The following CHCHD5 variants were observed in gnomAD, a reference collection of about 807,000 sequenced individuals.
CHCHD5 encodes coiled-coil-helix-coiled-coil-helix domain containing 5.
CHCHD5 carries 10 observed loss-of-function variants against 16.0 expected under a neutral mutation model. The ratio of observed to expected loss-of-function variants is 0.63; its 90% CI spans 0.39 to 1.06. The LOEUF is 1.06. Among genes scored for constraint, CHCHD5 ranks in the 50% least tolerant of loss-of-function variants. The probability of loss-of-function intolerance (pLI) is 0.01; values close to 1 mark genes in which losing one functional copy is unlikely to be tolerated. For synonymous variants in CHCHD5, 55 were observed against 56.3 expected (o/e 0.98, Z 0.10); for missense variants, 163 against 153.4 (o/e 1.06, Z -0.33).
intron 3 of CHCHD5, chr2:112,586,570 C>T (rs1054114947): frequency 2.0e-5 from 30 of 1,516,666 alleles, no homozygotes; most frequent in Non-Finnish European, 2.5e-5. Flanking sequence ...CACCCTCCAC[C>T]TCCAGGATAC....
intron 1 of CHCHD5, among the ~76,000 whole-genome samples, 162 bp from the exon 2 acceptor site, chr2:112,585,812 C>G (rs1024287082): frequency 6.6e-6 from 1 of 152,044 alleles, no homozygotes; most frequent in Non-Finnish European, 1.5e-5. Flanking sequence ...GCAGGAAGAT[C>G]ACTTGAATCC....
intron 1 of CHCHD5, 38 bp from the exon 2 acceptor site, chr2:112,585,936 A>G: frequency 6.3e-7 from 1 of 1,575,684 alleles, no homozygotes; most frequent in South Asian, 1.2e-5. Context: ...TTGCTTGCCT[A>G]CTGCCTGGAA....
At chr2:112,586,177 G>A (rs764035755) in intron 2 of CHCHD5, 23 bp from the exon 3 acceptor site, 10 of 1,609,980 alleles carry the variant, frequency 6.2e-6, no homozygotes, top group Non-Finnish European at 7.6e-6. Context: ...TCTCCCAGGG[G>A]CTGAACTGCC....
At chr2:112,588,832 G>C (rs375867530) in intron 3 of CHCHD5, 34 bp from the exon 4 acceptor site, 1 of 1,587,140 alleles carries the variant, frequency 6.3e-7, no homozygotes, top group Non-Finnish European at 8.7e-7. Flanking sequence ...GCACAGAGGA[G>C]GTGCTACTAG....
chr2:112,586,184 T>G lies in CHCHD5; in HGVS notation c.144-16T>G. ...GGTGGGAATCTCCCAGGGGCTGAAC[T>G]GCCCTACCCCCACAGCCCAATCATC... On this transcript the variant is annotated splice_polypyrimidine_tract_variant and intron_variant, in intron 2 of 3. Coordinates refer to ENST00000324913, the MANE Select transcript of CHCHD5 (RefSeq NM_032309.4). The G allele has an allele frequency of 6.2e-7, 1 of 1,608,892 alleles. No individual in the cohort carries two copies. The highest frequency in any genetic ancestry group is 8.5e-7 in the Non-Finnish European group (1 of 1,175,664).
At chr2:112,586,674 C>G (rs951958872) in intron 3 of CHCHD5, 1 of 1,325,192 alleles carries the variant, frequency 7.5e-7, no homozygotes, top group African/African-American at 1.5e-5. Flanking sequence ...AATCTGGTCT[C>G]ATCACACCTA....
chr2:112,585,236 C>A (rs925124626), intron 1 of CHCHD5, among the ~76,000 whole-genome samples: 1 of 152,172 alleles, frequency 6.6e-6, no homozygotes, highest in Non-Finnish European at 1.5e-5. Context: ...ACACTCTTCC[C>A]CAGGACCTGA....
chr2:112,585,386 T>C (rs1685177395), intron 1 of CHCHD5, among the ~76,000 whole-genome samples: 7 of 152,202 alleles, frequency 4.6e-5, no homozygotes, highest in Admixed American at 4.6e-4. Context: ...TACTGGGGGA[T>C]GCCTGGATTT....
chr2:112,584,715 C>G, intron 1 of CHCHD5, 66 bp downstream of exon 1: 1 of 1,598,006 alleles, frequency 6.3e-7, no homozygotes, highest in Non-Finnish European at 8.6e-7. Context: ...GTGATCTAGA[C>G]CTAGTCTAGG....
chr2:112,586,466 C>T (rs936805816), intron 3 of CHCHD5, 101 bp downstream of exon 3: 5 of 1,572,574 alleles, frequency 3.2e-6, no homozygotes, highest in African/African-American at 1.4e-5. Flanking sequence ...TCAGCCCCAC[C>T]CCATCACCAC....
chr2:112,588,783 G>T (rs1685297907), intron 3 of CHCHD5, 83 bp from the exon 4 acceptor site: 3 of 1,064,610 alleles, frequency 2.8e-6, no homozygotes, highest in African/African-American at 1.5e-5. Context: ...GCTCTGCAGG[G>T]TCTCCCTCTG....
chr2:112,587,720 C>T (rs2104605799), intron 3 of CHCHD5: 1 of 152,314 alleles, frequency 6.6e-6, no homozygotes, highest in East Asian at 1.9e-4. Flanking sequence ...AGTTCAGACC[C>T]CTAGGGCAGA....
upstream of CHCHD5, chr2:112,584,528 G>T: frequency 7.9e-7 from 1 of 1,258,620 alleles, no homozygotes; most frequent in Non-Finnish European, 1.2e-6. Context: ...AGGGAACGGG[G>T]TTGTTAGTTC....
chr2:112,587,536 T>C (rs983126972), intron 3 of CHCHD5: 4 of 152,280 alleles, frequency 2.6e-5, no homozygotes, highest in African/African-American at 7.2e-5. Context: ...ACCTCCCTGA[T>C]GTCCCACCCA....
intron 3 of CHCHD5, chr2:112,588,575 T>C (rs1685292509): frequency 2.3e-6 from 1 of 432,068 alleles, no homozygotes; most frequent in Non-Finnish European, 4.1e-6. Context: ...ATCGAATTTC[T>C]TGGATGTTGA....
At chr2:112,586,417 T>G in intron 3 of CHCHD5, 52 bp downstream of exon 3, 1 of 1,612,608 alleles carries the variant, frequency 6.2e-7, no homozygotes, top group South Asian at 1.1e-5. Flanking sequence ...ATCCCCTTCA[T>G]CCTTCTGGTT....
rs759492737 is a variant in CHCHD5 at position 112,585,994 on chromosome 2, C to T, written c.23C>T (p.Thr8Ile). The T allele has an allele frequency of 2.4e-5, 39 of 1,614,092 alleles. 1 individual carries two copies. Among genetic ancestry groups the T allele is most frequent in the Middle Eastern group, 1.6e-4 (1 of 6,080 alleles). ...CACAGGCAGGCGGCCCTAGAGGTCA[C>T]CGCTCGCTACTGTGGCCGGGAGCTG... The part of the protein sequence containing the change: MQAALEV[T>I]ARYCGRELEQ... Residue 8 changes from threonine (T) to isoleucine (I), a missense_variant, in exon 2 of 4, where the codon ACC (threonine) becomes ATC (isoleucine). Physicochemically the swap from Thr to Ile is moderately conservative, Grantham distance 89. Transcript: ENST00000324913.
In CHCHD5 at chr2:112,586,246, GC is replaced by G. The variant is rs1356656556; in HGVS notation, c.192del (p.Phe65SerfsTer59). On this transcript the variant is annotated frameshift_variant, in exon 3 of 4. Coordinates refer to ENST00000324913, the MANE Select transcript of CHCHD5 (RefSeq NM_032309.4). LOFTEE classifies it high-confidence loss of function. ...IRQACAQPFE[A>X]FEECLRQNEA... is the part of the protein sequence containing the mutation. ...CCAGGCCTGTGCTCAGCCTTTTGAG[GC>G]CTTCGAGGAGTGTCTTCGACAGAAC... is the stretch of plus-strand genomic sequence containing the variant. 1.9e-6 allele frequency: 3 copies of G among 1,613,754 alleles called. No individual in the cohort carries two copies. In the Admixed American group the frequency reaches 5.0e-5, roughly 27 times the overall value.
rs1459723832 is a variant in CHCHD5, at chr2:112,588,913, C to G, written c.*24C>G. The G allele has an allele frequency of 6.2e-7, 1 of 1,601,684 alleles. No individual in the cohort carries two copies. The highest frequency in any genetic ancestry group is 1.3e-5 in the African/African-American group (1 of 74,848). On this transcript the variant is annotated 3_prime_UTR_variant, in exon 4 of 4. Coordinates refer to ENST00000324913, the MANE Select transcript of CHCHD5 (RefSeq NM_032309.4). Reference sequence around the variant, plus strand: ...GAGGACTCCTCTGACGGCAGGAAAACTGGACATGAATGACTGCCCCCACGC... The same window carrying G: ...GAGGACTCCTCTGACGGCAGGAAAAGTGGACATGAATGACTGCCCCCACGC...
Sources: allele counts gnomAD v4.1 joint callset (sites outside exome capture counted in the v4.1 genomes callset), GRCh38; gene constraint gnomAD v4.1.1; transcripts MANE v1.5; gene names NCBI Gene and HGNC (gene_info 2026-07-23, HGNC 2026-07-21).